ZNF678: variants seen among roughly 807,000 people sequenced by gnomAD.
ZNF678 encodes the protein hypothetical protein MGC42493.
Under a neutral mutation model 3.0 loss-of-function variants are expected in ZNF678, and 5 were observed. That is an observed-to-expected ratio of 1.69 (90% CI 0.88 to 3.56). The LOEUF (loss-of-function observed/expected upper bound fraction) is 3.56. Ranked by LOEUF, ZNF678 falls within the 30% of genes most tolerant of loss-of-function variation. The pLI is 0.00. For missense variants in ZNF678, 593 were observed against 605.0 expected (o/e 0.98, Z 0.21); for synonymous variants, 218 against 199.6 (o/e 1.09, Z -0.78).
At chr1:227,569,235 C>T (rs2102713328) in intron 1 of ZNF678, among the ~76,000 whole-genome samples, 1 of 152,320 alleles carries the variant, frequency 6.6e-6, no homozygotes, top group East Asian at 1.9e-4. Flanking sequence ...AGGTTGCTTT[C>T]TACCTCAGCC....
chr1:227,585,995 C>T (rs1418777464), intron 1 of ZNF678, among the ~76,000 whole-genome samples: 2 of 152,080 alleles, frequency 1.3e-5, no homozygotes, highest in South Asian at 2.1e-4. Context: ...AGATTTACTA[C>T]AGTATGGTAT....
At chr1:227,664,261 G>A (rs2102817051), downstream of ZNF678, among the ~76,000 whole-genome samples, 1 of 152,288 alleles carries the variant, frequency 6.6e-6, no homozygotes, top group South Asian at 2.1e-4. Flanking sequence ...ACGGTTTGAA[G>A]TCTTGGGGTT....
At chr1:227,615,427 C>T (rs542874146) in intron 1 of ZNF678, among the ~76,000 whole-genome samples, 11 of 152,256 alleles carry the variant, frequency 7.2e-5, no homozygotes, top group African/African-American at 2.6e-4. Context: ...CAGGCTTGAT[C>T]GGGCCACCTC....
At chr1:227,635,085 C>CA (rs71721953) in intron 1 of ZNF678, among the ~76,000 whole-genome samples, 36,948 of 145,500 alleles carry the variant, frequency 0.25, 4,640 homozygotes, top group Admixed American at 0.28. Flanking sequence ...GCCTGGTAAT[C>CA]AAAAAAAAAA....
chr1:227,569,441 A>G (rs1421271676), intron 1 of ZNF678, among the ~76,000 whole-genome samples: 1 of 151,662 alleles, frequency 6.6e-6, no homozygotes, highest in African/African-American at 2.4e-5. Context: ...TTGTTTTTTG[A>G]TTTGGCAGAA....
intron 1 of ZNF678, among the ~76,000 whole-genome samples, chr1:227,613,002 C>T (rs1282619160): frequency 6.6e-6 from 1 of 152,130 alleles, no homozygotes; most frequent in Non-Finnish European, 1.5e-5. Flanking sequence ...CTAAGGTCAC[C>T]CAAAATTGGG....
downstream of ZNF678, among the ~76,000 whole-genome samples, chr1:227,667,335 T>G (rs1047107484): frequency 6.6e-6 from 1 of 152,110 alleles, no homozygotes; most frequent in Non-Finnish European, 1.5e-5. Context: ...CACACCCCAC[T>G]GAGAACAGAA....
At chr1:227,586,707 C>T (rs1006696523) in intron 1 of ZNF678, among the ~76,000 whole-genome samples, 1 of 152,216 alleles carries the variant, frequency 6.6e-6, no homozygotes, top group African/African-American at 2.4e-5. Context: ...CTCTGTGATT[C>T]TGTGTGGTGT....
intron 1 of ZNF678, among the ~76,000 whole-genome samples, chr1:227,567,439 C>T (rs1374601281): frequency 2.6e-5 from 4 of 152,262 alleles, no homozygotes; most frequent in African/African-American, 4.8e-5. Context: ...ATTGAAGGCC[C>T]GGTTCTTCCT....
chr1:227,585,001 TAACAG>T (rs996999347), intron 1 of ZNF678, among the ~76,000 whole-genome samples: 1 of 152,186 alleles, frequency 6.6e-6, no homozygotes, highest in African/African-American at 2.4e-5. Flanking sequence ...ACAACAGCAA[TAACAG>T]AACAGGAGTC....
At chr1:227,649,985 G>T (rs1401624834) in intron 2 of ZNF678, among the ~76,000 whole-genome samples, 1 of 151,472 alleles carries the variant, frequency 6.6e-6, no homozygotes, top group Admixed American at 6.6e-5. Flanking sequence ...TTATTTTATT[G>T]TTTTTCTTGC....
At position 227,573,277 on chromosome 1, in the gene ZNF678, G is replaced by A. The variant is rs562759284; in HGVS notation, c.-164+9553G>A. 4.6e-5 allele frequency among the ~76,000 whole-genome samples: 7 copies of A among 152,356 alleles called. No homozygotes were observed. In the East Asian group the frequency reaches 5.8e-4, roughly 13 times the overall value. On this transcript the variant is annotated intron_variant, in intron 1 of 3. Transcript: ENST00000343776. ...TAATTTTTTTTGTAGGACCCCACAA[G>A]TGTGTCATTGTCTGTTTTTAATTCC...
At chr1:227,592,433 T>C (rs1311723991) in intron 1 of ZNF678, among the ~76,000 whole-genome samples, 1 of 152,240 alleles carries the variant, frequency 6.6e-6, no homozygotes, top group Non-Finnish European at 1.5e-5. Flanking sequence ...CCACTGGCCT[T>C]GGCCAGGGCC....
chr1:227,647,261 A>G (rs1658982250), intron 2 of ZNF678, among the ~76,000 whole-genome samples: 1 of 152,200 alleles, frequency 6.6e-6, no homozygotes, highest in Admixed American at 6.5e-5. Flanking sequence ...CCGTCTCAAC[A>G]AACAAACAAA....
intron 1 of ZNF678, among the ~76,000 whole-genome samples, chr1:227,623,811 C>T (rs1189443659): frequency 6.6e-6 from 1 of 152,068 alleles, no homozygotes; most frequent in Non-Finnish European, 1.5e-5. Flanking sequence ...CTTTTATTCT[C>T]CGTGGAAATG....
chr1:227,601,723 C>T (rs1657744660), intron 1 of ZNF678, among the ~76,000 whole-genome samples: 1 of 151,998 alleles, frequency 6.6e-6, no homozygotes, highest in African/African-American at 2.4e-5. Context: ...TGCCAACACG[C>T]CTGGCTAATT....
chr1:227,671,479 G>T (rs1207614279), intron 5 of ZNF678, among the ~76,000 whole-genome samples: 6 of 152,092 alleles, frequency 3.9e-5, no homozygotes, highest in Non-Finnish European at 7.4e-5. Flanking sequence ...GCCCAGTGTA[G>T]TATGAATATT....
chr1:227,634,802 G>A (rs1658632489), intron 1 of ZNF678, among the ~76,000 whole-genome samples: 1 of 152,230 alleles, frequency 6.6e-6, no homozygotes, highest in African/African-American at 2.4e-5. Context: ...CTGCCCTGAA[G>A]GGAAGAACAC....
intron 1 of ZNF678, chr1:227,598,493 C>CT (rs1657651015): frequency 4.4e-6 from 6 of 1,374,152 alleles, no homozygotes; most frequent in Non-Finnish European, 5.6e-6. Context: ...GCTTCTTTTT[C>CT]TTTTTTTGTT....
Sources: gnomAD v4.1 joint callset for allele counts (sites outside exome capture counted in the v4.1 genomes callset) on GRCh38, gnomAD v4.1.1 for gene constraint, MANE v1.5 for transcripts, NCBI Gene and HGNC (gene_info 2026-07-23, HGNC 2026-07-21) for gene names.